The following TBRG1 variants were observed in gnomAD, a reference collection of about 807,000 sequenced individuals.
TBRG1 encodes nuclear interactor of ARF and MDM2.
A neutral mutation model predicts 44.0 loss-of-function variants in TBRG1; 31 were observed. The observed-to-expected ratio is 0.70, with a 90% CI of 0.53 to 0.95. The LOEUF is 0.95. TBRG1 is among the 40% of genes least tolerant of loss of function. The pLI, the probability that TBRG1 is intolerant of heterozygous loss-of-function variation, is 0.00. For missense variants in TBRG1, 487 were observed against 496.1 expected, an observed-to-expected ratio of 0.98 and a Z score of 0.18; for synonymous variants, 171 against 188.1, an observed-to-expected ratio of 0.91 and a Z score of 0.74.
At chr11:124,626,645 A>G in intron 4 of TBRG1, 36 bp downstream of exon 4, 1 of 1,550,494 alleles carries the variant, frequency 6.4e-7, no homozygotes. Context: ...GAGGAGAATC[A>G]GGGAAATACG....
At position 124,630,400 on chromosome 11, in the gene TBRG1, C is replaced by T. The variant is rs147171432; in HGVS notation, c.751C>T (p.Pro251Ser). 2.9e-5 allele frequency: 47 copies of T among 1,612,654 alleles called. No individual in the cohort carries two copies. In the African/African-American group the frequency reaches 6.1e-4, roughly 21 times the overall value. ...TTGTCTTTCTCAGTTTGAAATTGTTCCTGAAGATGACCCCCAGAATGCCAT... is the reference window on the plus strand; with the variant it reads ...TTGTCTTTCTCAGTTTGAAATTGTTTCTGAAGATGACCCCCAGAATGCCAT... ...GGVQPQFEIVPEDDPQNAIVS... is the reference protein window; with the variant it reads ...GGVQPQFEIVSEDDPQNAIVS... The change falls in exon 6 of 9, where the codon CCT (proline) becomes TCT (serine). Residue 251 changes from proline to serine, a missense_variant. By Grantham distance (74) the Pro-to-Ser change is moderately conservative (BLOSUM62 -1). Coordinates refer to ENST00000441174, the MANE Select transcript of TBRG1 (RefSeq NM_032811.3).
intron 7 of TBRG1, 33 bp from the exon 8 acceptor site, chr11:124,631,242 A>G: frequency 6.5e-7 from 1 of 1,528,874 alleles, no homozygotes; most frequent in Non-Finnish European, 8.8e-7. Flanking sequence ...TCTAGCAGAT[A>G]ACTCTCAAGG....
intron 1 of TBRG1, 30 bp downstream of exon 1, chr11:124,623,263 C>G: frequency 3.9e-6 from 6 of 1,550,858 alleles, no homozygotes; most frequent in Non-Finnish European, 4.4e-6. Flanking sequence ...AGCCGGTCCC[C>G]TCCTGGAGAC....
At chr11:124,628,250 T>G (rs1407958962) in intron 5 of TBRG1, among the ~76,000 whole-genome samples, 1 of 150,172 alleles carries the variant, frequency 6.7e-6, no homozygotes, top group Non-Finnish European at 1.5e-5. Flanking sequence ...TTAGCTTTAT[T>G]GAATATTTTA....
intron 1 of TBRG1, among the ~76,000 whole-genome samples, chr11:124,623,731 C>G (rs1942393740): frequency 6.6e-6 from 1 of 152,228 alleles, no homozygotes; most frequent in Admixed American, 6.5e-5. Context: ...ATAACTGACC[C>G]TTTGCCCAAA....
At position 124,626,579 on chromosome 11, in the gene TBRG1, A is replaced by G. The variant is rs1328391811; in HGVS notation, c.561A>G (p.Leu187=). 6.4e-7 allele frequency: 1 copy of G among 1,551,606 alleles called. No homozygotes were observed. The highest frequency in any genetic ancestry group is 2.4e-5 in the East Asian group (1 of 40,920). ...GACGGCCTGTGTTCCCCATCGGACT[A>G]GGGGGTCTAACAGTATATAGCCTGG... ...PSGRPVFPIG[L]GGLTVYSLGE... The change falls in exon 4 of 9, where the codon CTA becomes CTG. Residue 187 remains leucine (L), a synonymous_variant. Transcript: ENST00000441174.
chr11:124,626,712 C>T, intron 4 of TBRG1, 103 bp downstream of exon 4: 1 of 1,446,724 alleles, frequency 6.9e-7, no homozygotes, highest in Non-Finnish European at 9.5e-7. Context: ...CTTGCTGATC[C>T]ATACCAACCC....
At chr11:124,631,507 T>C in intron 8 of TBRG1, 90 bp downstream of exon 8, 1 of 1,332,902 alleles carries the variant, frequency 7.5e-7, no homozygotes, top group Non-Finnish European at 1.1e-6. Flanking sequence ...CCTAAATATC[T>C]ATGCATTGAG....
intron 1 of TBRG1, among the ~76,000 whole-genome samples, chr11:124,624,378 A>AAG (rs1555091623): frequency 4.7e-5 from 7 of 148,558 alleles, no homozygotes; most frequent in East Asian, 3.9e-4. Context: ...AAAAAAAAAA[A>AAG]AAAAAGAAAA....
In TBRG1 at chr11:124,632,136, T is replaced by G; in HGVS notation, c.1134T>G (p.Ser378=). ...AGCTTCAGCCTGCAGCCTTTGTGTC[T>G]TCTTACCAGCCCATGTACCTGACAC... ...LPELQPAAFV[S]SYQPMYLTHE... Residue 378 remains serine (S), a synonymous_variant, in exon 9 of 9, where the codon TCT becomes TCG. Transcript: ENST00000441174. The G allele has an allele frequency of 6.2e-7, 1 of 1,613,728 alleles. No homozygotes were observed. Among genetic ancestry groups the G allele is most frequent in the South Asian group, 1.1e-5 (1 of 91,080 alleles).
At chr11:124,626,362 G>A (rs1942468937) in intron 3 of TBRG1, 111 bp from the exon 4 acceptor site, 3 of 990,530 alleles carry the variant, frequency 3.0e-6, no homozygotes, top group Non-Finnish European at 4.4e-6. Context: ...CATTCAGTAA[G>A]TATATAAAAC....
At chr11:124,625,995 GA>G (rs1431602407) in intron 3 of TBRG1, 92 bp downstream of exon 3, 2 of 1,442,156 alleles carry the variant, frequency 1.4e-6, no homozygotes, top group Non-Finnish European at 1.8e-6. Context: ...CACAGCTGCA[GA>G]TGTACTTAGA....
At chr11:124,631,588 T>A (rs1029485922) in intron 8 of TBRG1, 171 bp downstream of exon 8, 7 of 700,586 alleles carry the variant, frequency 1.0e-5, no homozygotes, top group Admixed American at 5.1e-5. Flanking sequence ...CTGCATAGCT[T>A]CCTAGATTAC....
At chr11:124,626,774 C>G (rs1430212566) in intron 4 of TBRG1, 130 bp from the exon 5 acceptor site, 1 of 1,464,498 alleles carries the variant, frequency 6.8e-7, no homozygotes, top group Non-Finnish European at 9.4e-7. Flanking sequence ...TGCTACACAG[C>G]CTACTCTCTG....
chr11:124,625,433 A>T (rs1388130205), intron 2 of TBRG1, among the ~76,000 whole-genome samples: 1 of 152,238 alleles, frequency 6.6e-6, no homozygotes. Context: ...ACACCGTCCA[A>T]CATCAAGGTA....
Position 124,631,312 on chromosome 11 carries a change from G to T in TBRG1, c.985G>T (p.Asp329Tyr). The change falls in exon 8 of 9, where the codon GAT becomes TAT. Residue 329 changes from aspartate to tyrosine, a missense_variant. Physicochemically the swap from Asp to Tyr is radical, Grantham distance 160. Coordinates refer to ENST00000441174, the MANE Select transcript of TBRG1 (RefSeq NM_032811.3). ...GAAATTTGATGTGTGCAAACCTGGA[G>T]ATGGGCAGCTACCTGAGGGGCTGCC... ...WVKFDVCKPG[D>Y]GQLPEGLPEN... The T allele has an allele frequency of 1.2e-6, 2 of 1,611,162 alleles. No individual in the cohort carries two copies. The highest frequency in any genetic ancestry group is 1.7e-6 in the Non-Finnish European group (2 of 1,178,602).
chr11:124,632,031 G>T (rs1038033569), intron 8 of TBRG1, 62 bp from the exon 9 acceptor site: 21 of 1,525,424 alleles, frequency 1.4e-5, no homozygotes, highest in South Asian at 2.3e-5. Flanking sequence ...GTATATGTCT[G>T]ACCAAAACAG....
In TBRG1 at chr11:124,633,135, C is replaced by CG. The variant is rs1942649096; in HGVS notation, c.*897_*898insG. On this transcript the variant is annotated 3_prime_UTR_variant, in exon 9 of 9. Transcript: ENST00000441174. Reference sequence around the variant, plus strand: ...CAAGGGGATCTTTAACCTCTTTAACCTTTGTATTGCACCTCAGATAATGTG... The same window carrying CG: ...CAAGGGGATCTTTAACCTCTTTAACCGTTTGTATTGCACCTCAGATAATGTG... 1 of 152,024 alleles carries CG rather than the reference C, an allele frequency of 6.6e-6. No individual in the cohort carries two copies. The allele number at this position is 152,024 out of a possible 1,614,324, so 9.4% of individuals were successfully genotyped here. A position where few individuals can be genotyped will look rare whatever the true frequency, so the allele number is the denominator to read the frequency against.
chr11:124,625,165 C>T (rs1324515915), intron 2 of TBRG1, among the ~76,000 whole-genome samples, 164 bp downstream of exon 2: 1 of 152,188 alleles, frequency 6.6e-6, no homozygotes, highest in Non-Finnish European at 1.5e-5. Context: ...CAGCCTGAGG[C>T]ATTGGTGCCT....
Sources: gnomAD v4.1 joint callset for allele counts (sites outside exome capture counted in the v4.1 genomes callset) on GRCh38, gnomAD v4.1.1 for gene constraint, MANE v1.5 for transcripts, NCBI Gene and HGNC (gene_info 2026-07-23, HGNC 2026-07-21) for gene names.